The following USP43 variants were observed in gnomAD, a reference collection of about 807,000 sequenced individuals.
The protein encoded by USP43 is ubiquitin specific peptidase 43, also known as ubiquitin carboxyl-terminal hydrolase 43.
In USP43, 33 loss-of-function variants were observed where a neutral mutation model predicts 90.7. The observed-to-expected ratio is 0.36, with a 90% CI of 0.28 to 0.49. The LOEUF (loss-of-function observed/expected upper bound fraction) is 0.49, where lower values mean the gene tolerates loss of function less well. Among genes scored for constraint, USP43 ranks in the 20% least tolerant of loss-of-function variants. The pLI, the probability that USP43 is intolerant of heterozygous loss-of-function variation, is 0.98. For missense variants in USP43, 1,274 were observed against 1,476.4 expected (o/e 0.86, Z 2.25); for synonymous variants, 598 against 615.8 (o/e 0.97, Z 0.43).
rs1362262376 is a variant in USP43, at chr17:9,729,368, C to T, written c.*378C>T. The T allele has an allele frequency of 6.5e-6, 1 of 154,950 alleles. No individual in the cohort carries two copies. The highest frequency in any genetic ancestry group is 1.4e-5 in the Non-Finnish European group (1 of 71,412). The allele number at this position is 154,950 out of a possible 1,614,324, so 9.6% of individuals were successfully genotyped here. ...ATGTCAAATACTGTCAATGGCTTTT[C>T]CTTTTTCTTTCTTTTTTTTTTTTAA... is the stretch of plus-strand genomic sequence containing the variant. On this transcript the variant is annotated 3_prime_UTR_variant, in exon 15 of 15. Transcript: ENST00000285199.
At chr17:9,717,183 T>C (rs1243166004) in intron 14 of USP43, among the ~76,000 whole-genome samples, 1 of 151,484 alleles carries the variant, frequency 6.6e-6, no homozygotes, top group African/African-American at 2.4e-5. Flanking sequence ...AAAAAGTCCT[T>C]ACATTGTCAG....
In USP43 at chr17:9,728,772, G is replaced by A; in HGVS notation, c.3154G>A (p.Ala1052Thr). 2.5e-6 allele frequency: 4 copies of A among 1,607,380 alleles called. No homozygotes were observed. Among genetic ancestry groups the A allele is most frequent in the Middle Eastern group, 3.4e-4 (2 of 5,908 alleles). Residue 1052 changes from alanine (A) to threonine (T), a missense_variant, in exon 15 of 15, where the codon GCC becomes ACC. Ala to Thr is a moderately conservative substitution (Grantham distance 58). Transcript: ENST00000285199. This position sits in a 1 kb window ranked among gnomAD's most constrained non-coding sequence, Gnocchi z 6.2. The part of the protein sequence containing the change: ...PPALRIPEGL[A>T]RGLGSRLERD... The stretch of plus-strand genomic sequence containing the variant: ...TGCCCTCAGGATCCCAGAGGGCCTG[G>A]CCAGGGGCCTGGGCAGCCGGCTCGA...
intron 8 of USP43, among the ~76,000 whole-genome samples, chr17:9,690,400 C>T (rs560109787): frequency 7.2e-5 from 11 of 151,886 alleles, no homozygotes; most frequent in Non-Finnish European, 1.2e-4. Context: ...ATGAAGACCC[C>T]GTTGATTTTT....
chr17:9,727,889 G>A (rs1026000696), intron 14 of USP43, 65 bp from the exon 15 acceptor site: 22 of 1,525,030 alleles, frequency 1.4e-5, no homozygotes, highest in Admixed American at 6.1e-5. Flanking sequence ...CTCAGTGAAC[G>A]TTAGATGACT....
chr17:9,646,293 G>T (rs1454629356), intron 1 of USP43, among the ~76,000 whole-genome samples, 157 bp downstream of exon 1: 7 of 152,226 alleles, frequency 4.6e-5, no homozygotes, highest in South Asian at 2.1e-4. Flanking sequence ...GATGTGTTAC[G>T]CTGTCGCTTG....
At chr17:9,675,133 A>G in intron 4 of USP43, 150 bp downstream of exon 4, 1 of 709,826 alleles carries the variant, frequency 1.4e-6, no homozygotes, top group Admixed American at 2.3e-5. Flanking sequence ...ATGACATTCA[A>G]CTATTGAAAT....
intron 1 of USP43, among the ~76,000 whole-genome samples, chr17:9,648,006 G>GCGAGACTC (rs1911575886): frequency 6.6e-6 from 1 of 152,220 alleles, no homozygotes; most frequent in Non-Finnish European, 1.5e-5. Context: ...GGGCAACAGA[G>GCGAGACTC]CGAGACTCCG....
chr17:9,710,756 A>G (rs927274249), intron 13 of USP43, among the ~76,000 whole-genome samples: 2 of 152,014 alleles, frequency 1.3e-5, no homozygotes, highest in African/African-American at 4.8e-5. Context: ...TGATCCACCC[A>G]TCTCAGCCTC....
chr17:9,676,870 C>T lies in USP43; in HGVS notation c.958C>T (p.Pro320Ser). 3.1e-6 allele frequency: 5 copies of T among 1,613,566 alleles called. No individual in the cohort carries two copies. The highest frequency in any genetic ancestry group is 4.2e-6 in the Non-Finnish European group (5 of 1,179,718). The change falls in exon 5 of 15, where the codon CCT (proline) becomes TCT (serine). Residue 320 changes from proline (P) to serine (S), a missense_variant. By Grantham distance (74) the Pro-to-Ser change is moderately conservative (BLOSUM62 -1). Around this residue, in one of 6 missense-constraint regions of USP43, gnomAD observed 259 missense variants for 373.7 expected, o/e 0.69. Coordinates refer to ENST00000285199, the MANE Select transcript of USP43 (RefSeq NM_153210.5). ...RKMVAEEGGV[P>S]ADEVILVELY... is the part of the protein sequence containing the mutation. The stretch of plus-strand genomic sequence containing the variant: ...GATGGTTGCAGAGGAAGGAGGCGTC[C>T]CTGCAGATGAGGTGTGATAGAATTG...
chr17:9,645,844 C>T lies in USP43; in HGVS notation c.212C>T (p.Ala71Val). Residue 71 changes from alanine to valine, a missense_variant, in exon 1 of 15, where the codon GCC becomes GTC. This residue lies in a region of USP43 where 259 missense variants were observed against 373.7 expected (regional missense o/e 0.69). Transcript: ENST00000285199. The surrounding 1 kb of genome is among the most constrained non-coding windows in gnomAD (Gnocchi z 6.8). Reference sequence around the variant, plus strand: ...TGCGCCCCGGGCCCAGTTCCAGCGGCCCCCGGGAGCCCCGGGGAGGAACGC... The same window carrying T: ...TGCGCCCCGGGCCCAGTTCCAGCGGTCCCCGGGAGCCCCGGGGAGGAACGC... ...FACAPGPVPA[A>V]PGSPGEERPP... 1 of 1,403,810 alleles carries T rather than the reference C, an allele frequency of 7.1e-7. No homozygotes were observed. The highest frequency in any genetic ancestry group is 1.5e-5 in the African/African-American group (1 of 65,540). The allele number at this position is 1,403,810 out of a possible 1,614,324, so 87.0% of individuals were successfully genotyped here.
chr17:9,689,063 G>A (rs1165568690), intron 8 of USP43, among the ~76,000 whole-genome samples: 2 of 152,152 alleles, frequency 1.3e-5, no homozygotes, highest in African/African-American at 4.8e-5. Context: ...CTTTGACTCA[G>A]CCACAGATGC....
At chr17:9,685,647 AT>A (rs1363298650) in intron 7 of USP43, among the ~76,000 whole-genome samples, 1 of 152,168 alleles carries the variant, frequency 6.6e-6, no homozygotes, top group Non-Finnish European at 1.5e-5. Flanking sequence ...GCAATTTTGT[AT>A]TGTGTTTGGC....
chr17:9,657,564 A>G (rs553744502), intron 2 of USP43, among the ~76,000 whole-genome samples: 57 of 152,156 alleles, frequency 3.7e-4, no homozygotes, highest in Non-Finnish European at 6.9e-4. Flanking sequence ...AGGGAAAGAG[A>G]TTTAATTGAC....
At chr17:9,688,889 A>G (rs1353223394) in intron 8 of USP43, among the ~76,000 whole-genome samples, 1 of 151,594 alleles carries the variant, frequency 6.6e-6, no homozygotes, top group Admixed American at 6.6e-5. Flanking sequence ...CAGTTTCACC[A>G]TTTTGCCTAG....
intron 3 of USP43, among the ~76,000 whole-genome samples, chr17:9,670,039 CTT>C (rs148536442): frequency 7.6e-5 from 10 of 131,486 alleles, no homozygotes; most frequent in Admixed American, 1.5e-4. Flanking sequence ...GAGGTGACTG[CTT>C]TTTTTTTTTT....
intron 2 of USP43, among the ~76,000 whole-genome samples, chr17:9,659,955 C>G (rs1912533122): frequency 6.6e-6 from 1 of 152,088 alleles, no homozygotes; most frequent in South Asian, 2.1e-4. Context: ...AGGCATTTGA[C>G]TATTTGTGAT....
chr17:9,706,566 G>A (rs1484830691), intron 12 of USP43, among the ~76,000 whole-genome samples: 1 of 150,296 alleles, frequency 6.7e-6, no homozygotes, highest in Non-Finnish European at 1.5e-5. Flanking sequence ...AATTTGTCCC[G>A]AGATCACTAC....
At chr17:9,705,514 G>A (rs1459156020) in intron 12 of USP43, among the ~76,000 whole-genome samples, 1 of 152,020 alleles carries the variant, frequency 6.6e-6, no homozygotes, top group Non-Finnish European at 1.5e-5. Flanking sequence ...CAGCACTTTG[G>A]GAGGCTGAGG....
chr17:9,692,050 AAG>A lies in USP43; in HGVS notation c.1354-1075_1354-1074del, dbSNP rs1444756097. Among the ~76,000 whole-genome samples the A allele has an allele frequency of 6.0e-5, 9 of 149,314 alleles. No homozygotes were observed. In the Admixed American group the frequency reaches 6.0e-4, roughly 10 times the overall value. On this transcript the variant is annotated intron_variant, in intron 8 of 14. Transcript: ENST00000285199. ...GAGCGAGACTCCATCTCGAAAAAAA[AAG>A]AAAATTAAAACAAATTTAATTGTAG...
Sources: gnomAD v4.1 joint callset for allele counts (sites outside exome capture counted in the v4.1 genomes callset) on GRCh38, gnomAD v4.1.1 for gene constraint, gnomAD v4.1.1 regional missense constraint, Gnocchi (gnomAD v3.1) non-coding constraint, MANE v1.5 for transcripts, NCBI Gene and HGNC (gene_info 2026-07-23, HGNC 2026-07-21) for gene names.